Variants in TMC5 observed in about 807,000 individuals in gnomAD.
TMC5 encodes the protein transmembrane channel like 5, also known as transmembrane channel-like protein 5.
A neutral mutation model predicts 110.5 loss-of-function variants in TMC5; 86 were observed. That is an observed-to-expected ratio of 0.78 (90% CI 0.65 to 0.93). The LOEUF (loss-of-function observed/expected upper bound fraction) is 0.93, where lower values mean the gene tolerates loss of function less well. TMC5 is among the 40% of genes least tolerant of loss of function. The pLI is 0.00. For missense variants in TMC5, 1,144 were observed against 1,222.8 expected (o/e 0.94, Z 0.96); for synonymous variants, 455 against 439.5 (o/e 1.04, Z -0.44).
In TMC5 at chr16:19,439,679, G is replaced by A. The variant is rs1337382642; in HGVS notation, c.-79-281G>A. Among the ~76,000 whole-genome samples, 5 of 152,090 alleles carry A rather than the reference G, an allele frequency of 3.3e-5. No individual in the cohort carries two copies. In the East Asian group the frequency reaches 5.8e-4, roughly 18 times the overall value. On this transcript the variant is annotated intron_variant, in intron 2 of 21. Coordinates refer to ENST00000542583, the MANE Select transcript of TMC5 (RefSeq NM_001261841.2). ...CCCAAGATGGTGCACCGTCATTTCC[G>A]CATTCCAGCCCAGAGGAAGCAAGAT... is the stretch of plus-strand genomic sequence containing the variant.
rs1373363181 is a variant in TMC5 at position 19,440,529 on chromosome 16, C to T, written c.491C>T (p.Pro164Leu). 1 of 1,614,194 alleles carries T rather than the reference C, an allele frequency of 6.2e-7. No homozygotes were observed. Among genetic ancestry groups the T allele is most frequent in the South Asian group, 1.1e-5 (1 of 91,082 alleles). The change falls in exon 3 of 22, where the codon CCT becomes CTT. Residue 164 changes from proline (P) to leucine (L), a missense_variant. Pro to Leu is a moderately conservative substitution (Grantham distance 98). Coordinates refer to ENST00000542583, the MANE Select transcript of TMC5 (RefSeq NM_001261841.2). ...DHFGSLEPDY[P>L]GAQSNSDHPG... is the part of the protein sequence containing the mutation. ...TTTGGCTCCTTAGAACCGGACTACCCTGGAGCTCAGAGCAACTCTGATCAT... is the reference window on the plus strand; with the variant it reads ...TTTGGCTCCTTAGAACCGGACTACCTTGGAGCTCAGAGCAACTCTGATCAT...
chr16:19,421,307 T>A lies in TMC5; in HGVS notation c.-308+3215T>A, dbSNP rs138098631. On this transcript the variant is annotated intron_variant, in intron 1 of 21. Coordinates refer to ENST00000542583, the MANE Select transcript of TMC5 (RefSeq NM_001261841.2). ...CCCAAATCTCATCTTGAATTATAGC[T>A]CCCATAATCCCCACATGTCATGAGA... Among the ~76,000 whole-genome samples, 30 of 152,254 alleles carry A rather than the reference T, an allele frequency of 2.0e-4. No individual in the cohort carries two copies. The East Asian group carries it at 5.0e-3, about 25-fold the overall frequency.
At position 19,468,068 on chromosome 16, in the gene TMC5, G is replaced by A. The variant is rs545133218; in HGVS notation, c.1638-1613G>A. Among the ~76,000 whole-genome samples, 39 of 152,060 alleles carry A rather than the reference G, an allele frequency of 2.6e-4. No individual in the cohort carries two copies. In the East Asian group the frequency reaches 4.3e-3, roughly 17 times the overall value. On this transcript the variant is annotated intron_variant, in intron 9 of 21. Coordinates refer to ENST00000542583, the MANE Select transcript of TMC5 (RefSeq NM_001261841.2). ...TGGCTCACTGCAACCTCCGCTTCTCGGGTTCAAGTGATTCTCCTGTCTCAG... is the reference window on the plus strand; with the variant it reads ...TGGCTCACTGCAACCTCCGCTTCTCAGGTTCAAGTGATTCTCCTGTCTCAG...
intron 9 of TMC5, among the ~76,000 whole-genome samples, chr16:19,466,498 C>A (rs1429871097): frequency 2.6e-5 from 4 of 152,086 alleles, no homozygotes; most frequent in Admixed American, 2.6e-4. Flanking sequence ...ATTACAGGCA[C>A]CTGCCACCAC....
rs555640358 is a variant in TMC5 at position 19,489,099 on chromosome 16, C to T, written c.2574-1296C>T. 1.4e-4 allele frequency among the ~76,000 whole-genome samples: 21 copies of T among 146,902 alleles called. No individual in the cohort carries two copies. In the East Asian group the frequency reaches 2.9e-3, roughly 20 times the overall value. On this transcript the variant is annotated intron_variant, in intron 17 of 21. Transcript: ENST00000542583. Reference sequence around the variant, plus strand: ...TATCCACTCTCTTCTCTCTCTTCCTCACCAGTTCCTTGTTGCCCTATAGTT... The same window carrying T: ...TATCCACTCTCTTCTCTCTCTTCCTTACCAGTTCCTTGTTGCCCTATAGTT...
rs548931845 is a variant in TMC5 at position 19,498,125 on chromosome 16, T to C, written c.*159T>C. 8.9e-6 allele frequency: 6 copies of C among 672,106 alleles called. No individual in the cohort carries two copies. In the African/African-American group the frequency reaches 1.1e-4, roughly 12 times the overall value. 41.6% of individuals were successfully genotyped at this position (672,106 alleles called of 1,614,324 possible). A position where few individuals can be genotyped will look rare whatever the true frequency, so the allele number is the denominator to read the frequency against. On this transcript the variant is annotated 3_prime_UTR_variant, in exon 22 of 22. Transcript: ENST00000542583. ...CTACCATGTAATTATCAAAGTAAAA[T>C]TGGGCATTCCATGCTATTTTTAATA...
chr16:19,447,824 A>T (rs1015504297), intron 4 of TMC5, among the ~76,000 whole-genome samples: 1 of 151,946 alleles, frequency 6.6e-6, no homozygotes, highest in Non-Finnish European at 1.5e-5. Context: ...AAAGTGCCGA[A>T]ATTACAGGCA....
intron 4 of TMC5, among the ~76,000 whole-genome samples, chr16:19,447,938 A>G (rs1967650407): frequency 6.6e-6 from 1 of 152,088 alleles, no homozygotes; most frequent in African/African-American, 2.4e-5. Context: ...AGGAAGTAAC[A>G]GGGCTGGGAG....
intron 1 of TMC5, among the ~76,000 whole-genome samples, chr16:19,419,292 C>T (rs1001333325): frequency 1.4e-5 from 2 of 147,186 alleles, no homozygotes; most frequent in Non-Finnish European, 3.0e-5. Flanking sequence ...TGTCTTCATG[C>T]TTATTACTGT....
rs61334845 is a variant in TMC5, at chr16:19,492,943, A to ATATATATATATATAAT, written c.2826+715_2826+716insTATATATATATATAAT. ...ATATATATATATATATCTCTCTATA[A>ATATATATATATATAAT]GATAAATACTTTTATTTCATTTATT... On this transcript the variant is annotated intron_variant, in intron 19 of 21. Coordinates refer to ENST00000542583, the MANE Select transcript of TMC5 (RefSeq NM_001261841.2). 2.2e-5 allele frequency among the ~76,000 whole-genome samples: 2 copies of ATATATATATATATAAT among 92,076 alleles called. 1 individual carries two copies. The highest frequency in any genetic ancestry group is 6.9e-5 in the African/African-American group (2 of 29,116). The allele number at this position is 92,076 out of a possible 152,430, so 60.4% of individuals were successfully genotyped here.
Position 19,418,092 on chromosome 16 carries a change from G to A in TMC5, c.-308G>A, listed in dbSNP as rs1183156349. ...GGATTTTCCTGTAGAACTGAGGGCA[G>A]GTAAGTGAAAGTGCTTTGAAGGAGG... On this transcript the variant is annotated splice_region_variant and 5_prime_UTR_variant, in exon 1 of 22. Transcript: ENST00000542583. 1.3e-5 allele frequency: 2 copies of A among 152,242 alleles called. No individual in the cohort carries two copies. Among genetic ancestry groups the A allele is most frequent in the East Asian group, 1.9e-4 (1 of 5,200 alleles). The allele number at this position is 152,242 out of a possible 1,614,324, so 9.4% of individuals were successfully genotyped here.
At chr16:19,479,573 A>G in intron 14 of TMC5, 45 bp downstream of exon 14, 1 of 1,374,278 alleles carries the variant, frequency 7.3e-7, no homozygotes, top group Non-Finnish European at 1.0e-6. Context: ...GATGCTGTAA[A>G]CAGAACCTGA....
At chr16:19,467,052 G>A (rs1020463460) in intron 9 of TMC5, among the ~76,000 whole-genome samples, 4 of 151,974 alleles carry the variant, frequency 2.6e-5, no homozygotes, top group Non-Finnish European at 4.4e-5. Context: ...AGGCTGAGGT[G>A]GGAGAATCAC....
intron 16 of TMC5, 79 bp from the exon 17 acceptor site, chr16:19,487,114 T>C: frequency 6.2e-7 from 1 of 1,606,172 alleles, no homozygotes; most frequent in Non-Finnish European, 8.5e-7. Flanking sequence ...TGCAAAGGTG[T>C]CAGGAAGCCA....
intron 9 of TMC5, among the ~76,000 whole-genome samples, chr16:19,466,879 T>G (rs2143612345): frequency 6.6e-6 from 1 of 152,288 alleles, no homozygotes; most frequent in Non-Finnish European, 1.5e-5. Context: ...GGCACGGTGC[T>G]CATGCCTGTA....
Position 19,460,247 on chromosome 16 carries a change from T to C in TMC5, c.1061T>C (p.Ile354Thr), listed in dbSNP as rs1967987676. 3 of 1,612,110 alleles carry C rather than the reference T, an allele frequency of 1.9e-6. No homozygotes were observed. In the East Asian group the frequency reaches 6.7e-5, roughly 36 times the overall value. Residue 354 changes from isoleucine (I) to threonine (T), a missense_variant, in exon 6 of 22, where the codon ATC becomes ACC. Coordinates refer to ENST00000542583, the MANE Select transcript of TMC5 (RefSeq NM_001261841.2). The part of the protein sequence containing the change: ...WHKSPQGQKL[I>T]ASLIPMTSRD... The stretch of plus-strand genomic sequence containing the variant: ...ATTTCTTTCATAGGACAGAAGTTAA[T>C]CGCATCCCTTATACCCATGACATCC...
chr16:19,429,718 G>A (rs1056476349), intron 1 of TMC5, among the ~76,000 whole-genome samples: 3 of 152,208 alleles, frequency 2.0e-5, no homozygotes, highest in Non-Finnish European at 4.4e-5. Context: ...GGGAATGAGC[G>A]ATTTCTTCTT....
chr16:19,461,334 C>G (rs6497376), intron 6 of TMC5, among the ~76,000 whole-genome samples: 131,848 of 152,280 alleles, frequency 0.87, 57,307 homozygotes, highest in South Asian at 0.94. Flanking sequence ...CCAGCACTTT[C>G]GGAGGCTTAG....
chr16:19,474,429 A>G (rs545828540), intron 12 of TMC5, among the ~76,000 whole-genome samples, 153 bp downstream of exon 12: 2 of 152,138 alleles, frequency 1.3e-5, no homozygotes, highest in African/African-American at 4.8e-5. Flanking sequence ...GGCTCATGTC[A>G]GTAATCCCAG....
Sources: allele counts gnomAD v4.1 joint callset (sites outside exome capture counted in the v4.1 genomes callset), GRCh38; gene constraint gnomAD v4.1.1; transcripts MANE v1.5; gene names NCBI Gene and HGNC (gene_info 2026-07-23, HGNC 2026-07-21).